The following KLHL1 variants were observed in gnomAD, a reference collection of about 807,000 sequenced individuals.
KLHL1 encodes kelch like family member 1.
A neutral mutation model predicts 77.7 loss-of-function variants in KLHL1; 47 were observed. The observed-to-expected ratio is 0.60, with a 90% CI of 0.48 to 0.77. The LOEUF (loss-of-function observed/expected upper bound fraction) is 0.77, where lower values mean the gene tolerates loss of function less well. Among genes scored for constraint, KLHL1 ranks in the 30% least tolerant of loss-of-function variants. The pLI is 0.00. For missense variants in KLHL1, 925 were observed against 910.8 expected (o/e 1.02, Z -0.20); for synonymous variants, 360 against 325.2 (o/e 1.11, Z -1.15).
At chr13:69,893,642 G>A (rs986300124) in intron 4 of KLHL1, among the ~76,000 whole-genome samples, 1 of 152,200 alleles carries the variant, frequency 6.6e-6, no homozygotes, top group African/African-American at 2.4e-5. Context: ...TGTTATGTAT[G>A]ATGCTCTAAA....
chr13:70,099,698 CATA>C (rs1887878161), intron 1 of KLHL1, among the ~76,000 whole-genome samples: 1 of 151,810 alleles, frequency 6.6e-6, no homozygotes, highest in South Asian at 2.1e-4. Flanking sequence ...CTTTTTGTCC[CATA>C]ATAACATTTT....
At chr13:69,773,420 T>C (rs970785428) in intron 7 of KLHL1, among the ~76,000 whole-genome samples, 19 of 152,060 alleles carry the variant, frequency 1.2e-4, no homozygotes, top group African/African-American at 4.6e-4. Flanking sequence ...GAACTTCCTA[T>C]ATTTTTCCTC....
chr13:69,814,059 T>TGGAAAAGAATAG (rs1405981182), intron 6 of KLHL1, among the ~76,000 whole-genome samples: 1 of 151,346 alleles, frequency 6.6e-6, no homozygotes, highest in African/African-American at 2.4e-5. Flanking sequence ...CACAGACAAA[T>TGGAAAAGAATAG]GGAAAAGAAT....
chr13:70,058,319 C>G (rs1886797346), intron 1 of KLHL1, among the ~76,000 whole-genome samples: 1 of 152,072 alleles, frequency 6.6e-6, no homozygotes, highest in Admixed American at 6.5e-5. Context: ...TGATTTTATA[C>G]TTGTAAAAAC....
chr13:69,787,899 T>C (rs1008122354), intron 7 of KLHL1, among the ~76,000 whole-genome samples: 2 of 152,114 alleles, frequency 1.3e-5, no homozygotes, highest in Admixed American at 6.5e-5. Context: ...AAAAAACACA[T>C]GAAAAAATGC....
intron 5 of KLHL1, among the ~76,000 whole-genome samples, chr13:69,859,256 C>G (rs1880041785): frequency 7.7e-6 from 1 of 130,100 alleles, no homozygotes; most frequent in Non-Finnish European, 1.6e-5. Context: ...ATCCATTTTG[C>G]ACTTTTTTTT....
intron 6 of KLHL1, among the ~76,000 whole-genome samples, chr13:69,806,954 C>T (rs2138056018): frequency 6.6e-6 from 1 of 152,302 alleles, no homozygotes; most frequent in East Asian, 1.9e-4. Flanking sequence ...ACAAGTGGAC[C>T]ATACACTCCA....
At chr13:69,910,939 A>G (rs1882215775) in intron 4 of KLHL1, among the ~76,000 whole-genome samples, 1 of 152,128 alleles carries the variant, frequency 6.6e-6, no homozygotes, top group Admixed American at 6.6e-5. Flanking sequence ...CTTTACTACC[A>G]TTGTACAACA....
chr13:70,092,419 C>T (rs1055816492), intron 1 of KLHL1, among the ~76,000 whole-genome samples: 1 of 152,062 alleles, frequency 6.6e-6, no homozygotes, highest in Non-Finnish European at 1.5e-5. Context: ...AAGCCTTACT[C>T]TCTCTTTAAA....
At chr13:70,102,994 T>A (rs1209060513) in intron 1 of KLHL1, among the ~76,000 whole-genome samples, 1 of 152,186 alleles carries the variant, frequency 6.6e-6, no homozygotes, top group Non-Finnish European at 1.5e-5. Flanking sequence ...ACACAGATAT[T>A]CATATATGGT....
chr13:69,904,031 G>A (rs1488451003), intron 4 of KLHL1, among the ~76,000 whole-genome samples: 2 of 151,794 alleles, frequency 1.3e-5, no homozygotes, highest in Non-Finnish European at 2.9e-5. Flanking sequence ...GAAATGATCA[G>A]TAAAATAAAT....
intron 6 of KLHL1, among the ~76,000 whole-genome samples, chr13:69,812,253 C>G (rs1877914498): frequency 6.6e-6 from 1 of 152,098 alleles, no homozygotes. Flanking sequence ...TTTGATTGCA[C>G]TGTGGTCTGA....
At chr13:69,956,135 A>ATGATATATATATTTATATATATT (rs1455235840) in intron 3 of KLHL1, among the ~76,000 whole-genome samples, 3 of 141,858 alleles carry the variant, frequency 2.1e-5, no homozygotes, top group East Asian at 2.0e-4. Flanking sequence ...TTTGATATAT[A>ATGATATATATATTTATATATATT]TGATATATAT....
chr13:69,975,911 A>C, intron 1 of KLHL1, 109 bp from the exon 2 acceptor site: 2 of 1,277,886 alleles, frequency 1.6e-6, no homozygotes, highest in Non-Finnish European at 2.0e-6. Flanking sequence ...AAGAAAACTA[A>C]TATATCTGTG....
At chr13:69,807,643 T>A (rs1043488190) in intron 6 of KLHL1, among the ~76,000 whole-genome samples, 1 of 152,120 alleles carries the variant, frequency 6.6e-6, no homozygotes, top group Non-Finnish European at 1.5e-5. Flanking sequence ...CTGGTGGCAA[T>A]GGCAGGCATT....
intron 3 of KLHL1, among the ~76,000 whole-genome samples, chr13:69,954,910 T>C (rs1883821481): frequency 6.6e-6 from 1 of 150,394 alleles, no homozygotes. Context: ...AATTATATTA[T>C]TGATTTTATT....
intron 10 of KLHL1, among the ~76,000 whole-genome samples, chr13:69,706,302 T>A (rs1875622737): frequency 6.6e-6 from 1 of 151,832 alleles, no homozygotes; most frequent in Admixed American, 6.6e-5. Flanking sequence ...TGTACCTATT[T>A]TTGGTGAAGT....
chr13:69,999,297 G>A (rs1057274613), intron 1 of KLHL1, among the ~76,000 whole-genome samples: 7 of 151,850 alleles, frequency 4.6e-5, no homozygotes, highest in East Asian at 3.9e-4. Context: ...CATGATTACC[G>A]GAAGGCGAAG....
chr13:69,702,530 A>G (rs1167991926), intron 10 of KLHL1, among the ~76,000 whole-genome samples: 2 of 151,648 alleles, frequency 1.3e-5, no homozygotes, highest in African/African-American at 4.8e-5. Flanking sequence ...TTTCAGAGTG[A>G]AAAGAAAGTG....
Sources: gnomAD v4.1 joint callset for allele counts (sites outside exome capture counted in the v4.1 genomes callset) on GRCh38, gnomAD v4.1.1 for gene constraint, MANE v1.5 for transcripts, NCBI Gene and HGNC (gene_info 2026-07-23, HGNC 2026-07-21) for gene names.